The following CERT1 variants were observed in gnomAD, a reference collection of about 807,000 sequenced individuals.
The protein encoded by CERT1 is ceramide transfer protein.
Under a neutral mutation model 87.9 loss-of-function variants are expected in CERT1, and 31 were observed. The ratio of observed to expected loss-of-function variants is 0.35; its 90% CI spans 0.27 to 0.48. The LOEUF (loss-of-function observed/expected upper bound fraction) is 0.48. CERT1 is among the 20% of genes least tolerant of loss of function. CERT1 has a pLI of 0.99. For synonymous variants in CERT1, 289 were observed against 250.9 expected (o/e 1.15, Z -1.44); for missense variants, 487 against 758.0 (o/e 0.64, Z 4.20).
chr5:75,442,610 A>G (rs1427613771), intron 3 of CERT1, among the ~76,000 whole-genome samples: 1 of 152,170 alleles, frequency 6.6e-6, no homozygotes, highest in East Asian at 1.9e-4. Context: ...AATTTTTCAT[A>G]ATGTCTTACA....
intron 6 of CERT1, among the ~76,000 whole-genome samples, chr5:75,417,502 T>C (rs1173252685): frequency 2.6e-5 from 4 of 152,202 alleles, no homozygotes; most frequent in Non-Finnish European, 4.4e-5. Flanking sequence ...TCAATGCCTT[T>C]TACGTTTCAA....
chr5:75,448,023 T>C (rs1451669129), intron 3 of CERT1, among the ~76,000 whole-genome samples: 1 of 152,182 alleles, frequency 6.6e-6, no homozygotes, highest in African/African-American at 2.4e-5. Context: ...AATACAACAA[T>C]TTGCAGGAAT....
intron 2 of CERT1, among the ~76,000 whole-genome samples, chr5:75,461,822 A>G (rs1308827728): frequency 1.2e-5 from 1 of 80,324 alleles, no homozygotes; most frequent in African/African-American, 4.9e-5. Flanking sequence ...CAACAAAGTG[A>G]AAAAAAAAAA....
At position 75,379,498 on chromosome 5, in the gene CERT1, T is replaced by C. The variant is rs1188492607; in HGVS notation, c.1748-25A>G. The C allele has an allele frequency of 1.9e-6, 3 of 1,596,514 alleles. No homozygotes were observed. In the Admixed American group the frequency reaches 5.4e-5, roughly 29 times the overall value. On this transcript the variant is annotated intron_variant, in intron 16 of 16. Transcript: ENST00000643780. ...ACTGCAAGATAAAGGAAAATTAAAA[T>C]GTATTAAGATACAATTCTCCAAACA...
intron 3 of CERT1, among the ~76,000 whole-genome samples, chr5:75,453,659 T>C (rs1644449990): frequency 6.6e-6 from 1 of 152,142 alleles, no homozygotes; most frequent in Non-Finnish European, 1.5e-5. Context: ...ATAATGCTAA[T>C]CTCATGAAAG....
chr5:75,496,947 AAT>A (rs1188058355), intron 2 of CERT1, among the ~76,000 whole-genome samples: 1 of 152,222 alleles, frequency 6.6e-6, no homozygotes, highest in Non-Finnish European at 1.5e-5. Context: ...ATTATATCTC[AAT>A]GTGATTTTTT....
At chr5:75,487,825 C>T (rs546781590) in intron 2 of CERT1, among the ~76,000 whole-genome samples, 12 of 151,626 alleles carry the variant, frequency 7.9e-5, no homozygotes, top group East Asian at 1.9e-4. Context: ...AACAGATGAA[C>T]GAATAAAGAA....
At chr5:75,374,193 T>A (rs1273784355), downstream of CERT1, 3 of 377,706 alleles carry the variant, frequency 7.9e-6, no homozygotes, top group Admixed American at 1.0e-4. Context: ...CTTCAGTCAC[T>A]GAAGGAAAAA....
intron 12 of CERT1, among the ~76,000 whole-genome samples, chr5:75,388,201 T>C (rs1039545733): frequency 6.6e-5 from 10 of 152,214 alleles, no homozygotes; most frequent in African/African-American, 2.4e-4. Flanking sequence ...AATCACCTTA[T>C]CAGAATTATA....
chr5:75,453,496 C>G (rs1013265944), intron 3 of CERT1, among the ~76,000 whole-genome samples: 7 of 152,254 alleles, frequency 4.6e-5, no homozygotes, highest in Non-Finnish European at 8.8e-5. Flanking sequence ...TACATACTTA[C>G]AGCACAGAAT....
intron 2 of CERT1, among the ~76,000 whole-genome samples, chr5:75,482,538 C>T (rs1424362866): frequency 6.6e-6 from 1 of 152,172 alleles, no homozygotes; most frequent in East Asian, 1.9e-4. Context: ...GAGTAAATAC[C>T]AGCAGTAGTC....
chr5:75,369,465 C>A (rs1291027740), intron 17 of CERT1: 1 of 152,004 alleles, frequency 6.6e-6, no homozygotes, highest in Non-Finnish European at 1.5e-5. Context: ...CCATCAAACA[C>A]TATATTCTAG....
At chr5:75,431,639 T>C (rs1763871611) in intron 3 of CERT1, among the ~76,000 whole-genome samples, 1 of 152,232 alleles carries the variant, frequency 6.6e-6, no homozygotes, top group Non-Finnish European at 1.5e-5. Context: ...ATTATTTCGC[T>C]CTCACTTATA....
chr5:75,368,825 CA>C (rs1370852070), intron 17 of CERT1: 1 of 152,068 alleles, frequency 6.6e-6, no homozygotes, highest in East Asian at 1.9e-4. Context: ...GAAAATAAAA[CA>C]ATAATGTACT....
At chr5:75,462,725 T>C (rs980249283) in intron 2 of CERT1, among the ~76,000 whole-genome samples, 2 of 152,090 alleles carry the variant, frequency 1.3e-5, no homozygotes, top group Non-Finnish European at 2.9e-5. Context: ...AAGTCATGGA[T>C]GGCCCACGCC....
chr5:75,510,992 A>T (rs1767946230), intron 1 of CERT1, 120 bp downstream of exon 1: 6 of 1,324,676 alleles, frequency 4.5e-6, no homozygotes, highest in Non-Finnish European at 6.0e-6. Flanking sequence ...CTGCAGCAAC[A>T]CTCAGCCTCG....
At chr5:75,490,957 A>C (rs1379824998) in intron 2 of CERT1, among the ~76,000 whole-genome samples, 1 of 152,072 alleles carries the variant, frequency 6.6e-6, no homozygotes, top group Non-Finnish European at 1.5e-5. Context: ...TTGTGACTCA[A>C]GGTGGTTCTT....
Position 75,511,404 on chromosome 5 carries a change from A to G in CERT1, c.-197T>C, listed in dbSNP as rs1160907419. The G allele has an allele frequency of 5.2e-6, 8 of 1,545,736 alleles. No homozygotes were observed. Among genetic ancestry groups the G allele is most frequent in the Non-Finnish European group, 7.0e-6 (8 of 1,145,572 alleles). On this transcript the variant is annotated 5_prime_UTR_variant, in exon 1 of 17. Coordinates refer to ENST00000643780, the MANE Select transcript of CERT1 (RefSeq NM_001379029.1). ...CTGACACCGAGCGGAGCGAGGAAGG[A>G]GGACGAGCGGTGAAGGAAGCCTACC...
At chr5:75,505,055 G>C (rs543721447) in intron 2 of CERT1, among the ~76,000 whole-genome samples, 1 of 152,304 alleles carries the variant, frequency 6.6e-6, no homozygotes, top group East Asian at 1.9e-4. Flanking sequence ...GGGAGGCTGA[G>C]GTGGGTGGAT....
Sources: allele counts gnomAD v4.1 joint callset (sites outside exome capture counted in the v4.1 genomes callset), GRCh38; gene constraint gnomAD v4.1.1; transcripts MANE v1.5; gene names NCBI Gene and HGNC (gene_info 2026-07-23, HGNC 2026-07-21).